Variants in AUH observed in about 807,000 individuals in gnomAD.
AUH encodes AU RNA binding methylglutaconyl-CoA hydratase.
A neutral mutation model predicts 42.3 loss-of-function variants in AUH; 29 were observed. The ratio of observed to expected loss-of-function variants is 0.69; its 90% CI spans 0.51 to 0.93. The LOEUF (loss-of-function observed/expected upper bound fraction) is 0.93. AUH is among the 40% of genes least tolerant of loss of function. The pLI is 0.00. For synonymous variants in AUH, 174 were observed against 166.4 expected, an observed-to-expected ratio of 1.05 and a Z score of -0.35; for missense variants, 452 against 438.1, an observed-to-expected ratio of 1.03 and a Z score of -0.28.
chr9:91,241,387 A>AATATGTT (rs1202177850), intron 6 of AUH, among the ~76,000 whole-genome samples: 1 of 152,154 alleles, frequency 6.6e-6, no homozygotes, highest in Non-Finnish European at 1.5e-5. Flanking sequence ...TTATATAGAC[A>AATATGTT]ATATGTTATA....
intron 6 of AUH, among the ~76,000 whole-genome samples, chr9:91,258,749 A>T (rs1829547076): frequency 6.6e-6 from 1 of 152,190 alleles, no homozygotes; most frequent in Non-Finnish European, 1.5e-5. Flanking sequence ...ATTTTATGAA[A>T]TTTTTAAGAA....
chr9:91,272,265 T>TA (rs1825199028), intron 6 of AUH, among the ~76,000 whole-genome samples: 1 of 152,232 alleles, frequency 6.6e-6, no homozygotes, highest in Non-Finnish European at 1.5e-5. Flanking sequence ...TGTATCCAAA[T>TA]GTACTTTTAA....
intron 4 of AUH, among the ~76,000 whole-genome samples, chr9:91,324,776 A>G (rs1435949981): frequency 1.3e-5 from 2 of 151,960 alleles, no homozygotes; most frequent in African/African-American, 2.4e-5. Context: ...TGAACAAATG[A>G]TAACTGGAAC....
At chr9:91,314,545 C>A (rs10991880) in intron 4 of AUH, among the ~76,000 whole-genome samples, 33,091 of 149,580 alleles carry the variant, frequency 0.22, 4,025 homozygotes, top group East Asian at 0.38. Flanking sequence ...TTTTTCTAGA[C>A]ATGTAAAATC....
chr9:91,255,272 A>T (rs1440662304), intron 6 of AUH, among the ~76,000 whole-genome samples: 1 of 152,350 alleles, frequency 6.6e-6, no homozygotes, highest in South Asian at 2.1e-4. Context: ...TCATGTTCAA[A>T]AACTCTAAGA....
At chr9:91,329,152 C>T (rs1000907870) in intron 3 of AUH, among the ~76,000 whole-genome samples, 5 of 152,092 alleles carry the variant, frequency 3.3e-5, no homozygotes, top group Non-Finnish European at 7.4e-5. Context: ...GACAGATATT[C>T]ATATCATTCC....
At chr9:91,355,790 G>T (rs150044692) in intron 3 of AUH, 93 bp downstream of exon 3, 2 of 1,185,540 alleles carry the variant, frequency 1.7e-6, no homozygotes, top group African/African-American at 1.5e-5. Context: ...TGGTAATGGG[G>T]TTCAAACCAA....
At chr9:91,311,282 A>C (rs1828682676) in intron 4 of AUH, among the ~76,000 whole-genome samples, 2 of 152,218 alleles carry the variant, frequency 1.3e-5, no homozygotes, top group African/African-American at 4.8e-5. Context: ...TAAATACATG[A>C]ATTTTGTCAG....
chr9:91,228,849 T>C (rs1258001123), intron 6 of AUH, among the ~76,000 whole-genome samples: 3 of 152,240 alleles, frequency 2.0e-5, no homozygotes, highest in Non-Finnish European at 4.4e-5. Context: ...TCAGTTTCCA[T>C]GTAGTTGAGC....
chr9:91,270,222 G>C (rs996692407), intron 6 of AUH, among the ~76,000 whole-genome samples: 1 of 152,172 alleles, frequency 6.6e-6, no homozygotes, highest in Non-Finnish European at 1.5e-5. Context: ...AGACCAGAGA[G>C]ACCAACTGGC....
chr9:91,339,306 A>ATAGGTAATAAG (rs1830926264), intron 3 of AUH, among the ~76,000 whole-genome samples: 1 of 152,236 alleles, frequency 6.6e-6, no homozygotes, highest in South Asian at 2.1e-4. Flanking sequence ...GCTAAGTCAA[A>ATAGGTAATAAG]CCATCATTAA....
intron 6 of AUH, among the ~76,000 whole-genome samples, chr9:91,237,999 G>A (rs1163101175): frequency 2.6e-5 from 4 of 152,228 alleles, no homozygotes; most frequent in South Asian, 2.1e-4. Context: ...TACCAAGGGA[G>A]TATGGGGAAT....
intron 4 of AUH, 43 bp downstream of exon 4, chr9:91,325,275 G>C (rs1439062753): frequency 6.0e-6 from 9 of 1,494,322 alleles, no homozygotes; most frequent in Non-Finnish European, 8.4e-6. Flanking sequence ...TGACATTTAA[G>C]AACCCCTTCG....
At chr9:91,302,088 G>C (rs1411727367) in intron 4 of AUH, among the ~76,000 whole-genome samples, 5 of 151,966 alleles carry the variant, frequency 3.3e-5, no homozygotes, top group Non-Finnish European at 7.4e-5. Flanking sequence ...ATCCAGGAAA[G>C]TATGCATCAT....
chr9:91,335,086 A>G (rs570193117), intron 3 of AUH, among the ~76,000 whole-genome samples: 27 of 152,298 alleles, frequency 1.8e-4, no homozygotes, highest in African/African-American at 4.3e-4. Context: ...GCTTCATAAA[A>G]TGAGCTGGAA....
chr9:91,304,886 A>G (rs1243045493), intron 4 of AUH, among the ~76,000 whole-genome samples: 1 of 152,190 alleles, frequency 6.6e-6, no homozygotes, highest in East Asian at 1.9e-4. Context: ...GGTGTGAGTA[A>G]ATCTAAAATT....
chr9:91,338,053 T>A (rs983981329), intron 3 of AUH, among the ~76,000 whole-genome samples: 3 of 152,126 alleles, frequency 2.0e-5, no homozygotes, highest in African/African-American at 7.2e-5. Flanking sequence ...AAATAAAAAA[T>A]TTCTATCTTG....
rs550127849 is a variant in AUH at position 91,337,928 on chromosome 9, T to A, written c.419-12524A>T. ...ATTAAGGAGCATGACCTTCTTGGTATAACATGACTACTGTCAGAGCTTCTA... is the reference window on the plus strand; with the variant it reads ...ATTAAGGAGCATGACCTTCTTGGTAAAACATGACTACTGTCAGAGCTTCTA... On this transcript the variant is annotated intron_variant, in intron 3 of 9. Coordinates refer to ENST00000375731, the MANE Select transcript of AUH (RefSeq NM_001698.3). 2.8e-4 allele frequency among the ~76,000 whole-genome samples: 42 copies of A among 152,308 alleles called. 1 individual carries two copies. The South Asian group carries it at 8.3e-3, about 30-fold the overall frequency.
chr9:91,359,548 A>T (rs1658106117), intron 1 of AUH, among the ~76,000 whole-genome samples: 1 of 152,078 alleles, frequency 6.6e-6, no homozygotes, highest in Non-Finnish European at 1.5e-5. Flanking sequence ...TGCAGCCTCA[A>T]AGTCCTGGGC....
Sources: allele counts gnomAD v4.1 joint callset (sites outside exome capture counted in the v4.1 genomes callset), GRCh38; gene constraint gnomAD v4.1.1; transcripts MANE v1.5; gene names NCBI Gene and HGNC (gene_info 2026-07-23, HGNC 2026-07-21).